The following KCNH1 variants were observed in gnomAD, a reference collection of about 807,000 sequenced individuals.
The protein encoded by KCNH1 is voltage-gated delayed rectifier potassium channel KCNH1.
Under a neutral mutation model 69.2 loss-of-function variants are expected in KCNH1, and 27 were observed. The ratio of observed to expected loss-of-function variants is 0.39; its 90% CI spans 0.29 to 0.54. The LOEUF is 0.54. Among genes scored for constraint, KCNH1 ranks in the 20% least tolerant of loss-of-function variants. The pLI, the probability that KCNH1 is intolerant of heterozygous loss-of-function variation, is 0.68. For synonymous variants in KCNH1, 456 were observed against 487.7 expected, an observed-to-expected ratio of 0.93 and a Z score of 0.86; for missense variants, 798 against 1,261.6, an observed-to-expected ratio of 0.63 and a Z score of 5.57.
intron 7 of KCNH1, among the ~76,000 whole-genome samples, chr1:210,833,563 C>T (rs889722954): frequency 1.3e-5 from 2 of 152,112 alleles, no homozygotes; most frequent in Admixed American, 6.6e-5. Context: ...AAACGTTAGA[C>T]CTAAAACCAT....
intron 9 of KCNH1, among the ~76,000 whole-genome samples, chr1:210,783,871 G>T (rs1425193673): frequency 6.6e-6 from 1 of 152,160 alleles, no homozygotes; most frequent in Non-Finnish European, 1.5e-5. Context: ...GGTCCAGCGG[G>T]TCAGTACAAT....
chr1:211,108,992 G>T (rs1572646), intron 1 of KCNH1, among the ~76,000 whole-genome samples: 30,206 of 152,074 alleles, frequency 0.2, 3,500 homozygotes, highest in African/African-American at 0.33. Context: ...AAACAGGTAA[G>T]AAAACAATGA....
At chr1:210,715,751 G>A (rs1338182414) in intron 10 of KCNH1, among the ~76,000 whole-genome samples, 1 of 152,128 alleles carries the variant, frequency 6.6e-6, no homozygotes, top group Non-Finnish European at 1.5e-5. Context: ...AAACCCACGT[G>A]TGACCTTCTG....
At chr1:211,131,090 G>A (rs1691867479) in intron 1 of KCNH1, among the ~76,000 whole-genome samples, 1 of 152,040 alleles carries the variant, frequency 6.6e-6, no homozygotes, top group Non-Finnish European at 1.5e-5. Flanking sequence ...ATGGTTTGGG[G>A]CCTCATTAGT....
chr1:211,096,381 C>G (rs1691155382), intron 3 of KCNH1, among the ~76,000 whole-genome samples: 1 of 152,166 alleles, frequency 6.6e-6, no homozygotes, highest in Non-Finnish European at 1.5e-5. Flanking sequence ...TATCACTTTC[C>G]TTTCTTCCTT....
At chr1:210,945,299 T>C (rs547931646) in intron 6 of KCNH1, among the ~76,000 whole-genome samples, 7 of 152,204 alleles carry the variant, frequency 4.6e-5, no homozygotes. Flanking sequence ...TCTTACACAA[T>C]GTATACTATG....
At chr1:210,944,792 T>C (rs1163290779) in intron 6 of KCNH1, among the ~76,000 whole-genome samples, 1 of 152,258 alleles carries the variant, frequency 6.6e-6, no homozygotes, top group Non-Finnish European at 1.5e-5. Context: ...CAACCCTCGT[T>C]AAGTGTACAG....
At position 210,681,202 on chromosome 1, in the gene KCNH1, A is replaced by G. The variant is rs1270932795; in HGVS notation, c.*2079T>C. On this transcript the variant is annotated 3_prime_UTR_variant, in exon 11 of 11. Transcript: ENST00000271751. ...AGACTAGAATGTTAGGGGGCAGCCA[A>G]CAGATGGGATTCCAGATATTTTACG... The G allele has an allele frequency of 7.2e-5, 11 of 152,262 alleles. No individual in the cohort carries two copies. The highest frequency in any genetic ancestry group is 2.7e-4 in the African/African-American group (11 of 41,468). The allele number at this position is 152,262 out of a possible 1,614,324, so 9.4% of individuals were successfully genotyped here.
chr1:211,014,337 C>T (rs61848562), intron 6 of KCNH1, among the ~76,000 whole-genome samples: 21,469 of 152,212 alleles, frequency 0.14, 1,798 homozygotes, highest in East Asian at 0.39. Flanking sequence ...AGCTTTAGTT[C>T]GCTCTGTTTC....
chr1:210,963,222 C>A (rs1558543317), intron 6 of KCNH1, among the ~76,000 whole-genome samples: 1 of 151,830 alleles, frequency 6.6e-6, no homozygotes. Context: ...CTAAAAAAAA[C>A]AGAAAAGAAG....
At chr1:210,769,983 C>T (rs1970589) in intron 10 of KCNH1, among the ~76,000 whole-genome samples, 65,983 of 151,826 alleles carry the variant, frequency 0.43, 14,838 homozygotes, top group African/African-American at 0.53. Context: ...TTTGTTTTAC[C>T]GTATGTAAAC....
chr1:211,033,459 GCA>G (rs1558576085), intron 5 of KCNH1, among the ~76,000 whole-genome samples: 70 of 152,138 alleles, frequency 4.6e-4, no homozygotes, highest in African/African-American at 1.7e-3. Flanking sequence ...AAAGACACAT[GCA>G]CACATATGTT....
rs538824482 is a variant in KCNH1 at position 210,796,419 on chromosome 1, A to T, written c.1915+1089T>A. On this transcript the variant is annotated intron_variant, in intron 9 of 10. Coordinates refer to ENST00000271751, the MANE Select transcript of KCNH1 (RefSeq NM_172362.3). ...CACAGAGTAGATGACCATAAATGAT[A>T]GCTATTATTATGACGATGGCTTGCC... is the stretch of plus-strand genomic sequence containing the variant. Among the ~76,000 whole-genome samples the T allele has an allele frequency of 3.3e-5, 5 of 152,310 alleles. No individual in the cohort carries two copies. The South Asian group carries it at 1.0e-3, about 32-fold the overall frequency.
At chr1:210,706,232 T>A (rs1681910390) in intron 10 of KCNH1, among the ~76,000 whole-genome samples, 1 of 152,140 alleles carries the variant, frequency 6.6e-6, no homozygotes, top group South Asian at 2.1e-4. Flanking sequence ...TTTGCCGCCA[T>A]CAGCTCCATG....
intron 4 of KCNH1, among the ~76,000 whole-genome samples, chr1:211,087,245 G>A (rs186747314): frequency 8.2e-4 from 125 of 152,264 alleles, no homozygotes; most frequent in African/African-American, 2.9e-3. Context: ...TTTGTCGTCT[G>A]TATTTGGCTC....
chr1:211,118,011 T>C (rs1691613419), intron 1 of KCNH1, among the ~76,000 whole-genome samples: 1 of 152,216 alleles, frequency 6.6e-6, no homozygotes, highest in African/African-American at 2.4e-5. Flanking sequence ...TGTAATACCC[T>C]AATTCCAGGT....
chr1:210,863,682 T>C (rs1399996086), intron 7 of KCNH1, among the ~76,000 whole-genome samples: 7 of 152,212 alleles, frequency 4.6e-5, no homozygotes, highest in Non-Finnish European at 4.4e-5. Flanking sequence ...TTCACAGCTC[T>C]TATTAGGAAA....
intron 2 of KCNH1, among the ~76,000 whole-genome samples, chr1:211,104,862 A>G (rs1338554267): frequency 6.6e-6 from 1 of 152,242 alleles, no homozygotes; most frequent in East Asian, 1.9e-4. Context: ...ACAAAAACAC[A>G]GAATTTCAGA....
chr1:211,119,156 G>C (rs1691641642), intron 1 of KCNH1, among the ~76,000 whole-genome samples: 1 of 152,076 alleles, frequency 6.6e-6, no homozygotes, highest in Admixed American at 6.5e-5. Flanking sequence ...GTCAGGTGAT[G>C]GAGACCATTC....
Sources: allele counts gnomAD v4.1 joint callset (sites outside exome capture counted in the v4.1 genomes callset), GRCh38; gene constraint gnomAD v4.1.1; transcripts MANE v1.5; gene names NCBI Gene and HGNC (gene_info 2026-07-23, HGNC 2026-07-21).